PCDHGA3: variants seen among roughly 807,000 people sequenced by gnomAD.
The protein encoded by PCDHGA3 is protocadherin gamma subfamily A, 3, also known as protocadherin gamma-A3.
Under a neutral mutation model 58.5 loss-of-function variants are expected in PCDHGA3, and 40 were observed. The observed-to-expected ratio is 0.68, with a 90% CI of 0.53 to 0.89. PCDHGA3 has a LOEUF of 0.89. PCDHGA3 is among the 40% of genes least tolerant of loss of function. The pLI is 0.00. For missense variants in PCDHGA3, 1,223 were observed against 1,195.9 expected (o/e 1.02, Z -0.33); for synonymous variants, 530 against 525.7 (o/e 1.01, Z -0.11).
chr5:141,460,950 T>C (rs1458616371), intron 1 of PCDHGA3, among the ~76,000 whole-genome samples: 1 of 135,948 alleles, frequency 7.4e-6, no homozygotes, highest in East Asian at 2.0e-4. Flanking sequence ...ATATGTATTA[T>C]GTATATATAT....
At chr5:141,383,599 G>C in intron 1 of PCDHGA3, 1 of 1,613,742 alleles carries the variant, frequency 6.2e-7, no homozygotes. Context: ...GACAGTGGTG[G>C]ATGTGAATGA....
intron 1 of PCDHGA3, chr5:141,384,729 G>A: frequency 6.2e-7 from 1 of 1,614,122 alleles, no homozygotes; most frequent in Non-Finnish European, 8.5e-7. Context: ...TCCTGCTTAA[G>A]GCCAGCGAGC....
Position 141,485,713 on chromosome 5 carries a change from G to T in PCDHGA3, c.2425-9094G>T. On this transcript the variant is annotated intron_variant, in intron 1 of 3. Transcript: ENST00000253812. The surrounding 1 kb of genome is among the most constrained non-coding windows in gnomAD (Gnocchi z 5.7). ...TGAGCTCCAATGAACACTTTGCACT[G>T]GATGTGAAGAAGCGCAGCGACGGCA... 1 of 1,614,202 alleles carries T rather than the reference G, an allele frequency of 6.2e-7. No individual in the cohort carries two copies. The highest frequency in any genetic ancestry group is 8.5e-7 in the Non-Finnish European group (1 of 1,180,038).
In PCDHGA3 at chr5:141,413,613, TA is replaced by T. The variant is rs2095659138; in HGVS notation, c.2424+67158del. The T allele has an allele frequency of 4.3e-6, 7 of 1,613,714 alleles. No individual in the cohort carries two copies. The East Asian group carries it at 1.6e-4, about 36-fold the overall frequency. On this transcript the variant is annotated intron_variant, in intron 1 of 3. Transcript: ENST00000253812. Reference sequence around the variant, plus strand: ...AAGCAGAAAATCTAGACGTAAAAATTAATGAAAATGTCGCTGCGGGAATGCG... The same window carrying T: ...AAGCAGAAAATCTAGACGTAAAAATTATGAAAATGTCGCTGCGGGAATGCG...
intron 1 of PCDHGA3, chr5:141,395,376 T>G (rs1589259426): frequency 1.7e-6 from 2 of 1,180,196 alleles, no homozygotes; most frequent in East Asian, 5.2e-5. Flanking sequence ...TTTGGTGGTG[T>G]TACTATAAAA....
chr5:141,393,853 T>A, intron 1 of PCDHGA3: 1 of 1,613,992 alleles, frequency 6.2e-7, no homozygotes, highest in Admixed American at 1.7e-5. Context: ...AGACCAGAAG[T>A]GATCATTACG....
At chr5:141,371,053 C>T (rs749864646) in intron 1 of PCDHGA3, 2 of 1,613,924 alleles carry the variant, frequency 1.2e-6, no homozygotes, top group Non-Finnish European at 1.7e-6. Flanking sequence ...GGGGGCGAGC[C>T]CTCCAGAAGC....
At chr5:141,423,659 A>G in intron 1 of PCDHGA3, 2 of 1,551,038 alleles carry the variant, frequency 1.3e-6, no homozygotes, top group Non-Finnish European at 1.7e-6. Flanking sequence ...ACAAGTAATC[A>G]GGTGAGATTT....
chr5:141,433,159 T>C, intron 1 of PCDHGA3: 2 of 1,613,968 alleles, frequency 1.2e-6, no homozygotes, highest in Non-Finnish European at 1.7e-6. Flanking sequence ...CGGTATTTTC[T>C]AAAGACAGTC....
intron 1 of PCDHGA3, among the ~76,000 whole-genome samples, chr5:141,458,663 G>A (rs1045303205): frequency 2.6e-5 from 4 of 151,804 alleles, no homozygotes; most frequent in Admixed American, 6.6e-5. Context: ...TCCACCTCTC[G>A]GGTTCAAGCA....
At chr5:141,454,311 T>C (rs755771201) in intron 1 of PCDHGA3, among the ~76,000 whole-genome samples, 1 of 152,216 alleles carries the variant, frequency 6.6e-6, no homozygotes, top group Non-Finnish European at 1.5e-5. Context: ...TTTCAAAGCA[T>C]TGAAACCTCC....
At position 141,477,100 on chromosome 5, in the gene PCDHGA3, C is replaced by A. The variant is rs970613825; in HGVS notation, c.2425-17707C>A. On this transcript the variant is annotated intron_variant, in intron 1 of 3. Transcript: ENST00000253812. This position sits in a 1 kb window ranked among gnomAD's most constrained non-coding sequence, Gnocchi z 4.9. ...TTTACATCCAGGCCAAAGACAAGGGCGCCAATCCCGAAGGAGCACATTGCA... is the reference window on the plus strand; with the variant it reads ...TTTACATCCAGGCCAAAGACAAGGGAGCCAATCCCGAAGGAGCACATTGCA... 1 of 1,614,216 alleles carries A rather than the reference C, an allele frequency of 6.2e-7. No homozygotes were observed. Among genetic ancestry groups the A allele is most frequent in the Non-Finnish European group, 8.5e-7 (1 of 1,180,040 alleles).
At chr5:141,372,540 C>T (rs1208837944) in intron 1 of PCDHGA3, 2 of 1,614,012 alleles carry the variant, frequency 1.2e-6, no homozygotes, top group Non-Finnish European at 1.7e-6. Flanking sequence ...CCTGCGCCTG[C>T]GATGCTCCTC....
At chr5:141,366,851 G>T in intron 1 of PCDHGA3, 2 of 1,439,646 alleles carry the variant, frequency 1.4e-6, no homozygotes, top group Non-Finnish European at 1.9e-6. Context: ...GTAAATAGTG[G>T]AACATTATTT....
chr5:141,427,912 A>T (rs1268491054), intron 1 of PCDHGA3: 2 of 1,577,806 alleles, frequency 1.3e-6, no homozygotes, highest in Admixed American at 3.3e-5. Flanking sequence ...CTCAGCGCCA[A>T]CATGAGCCGG....
At chr5:141,501,103 G>A (rs1449600108) in intron 2 of PCDHGA3, among the ~76,000 whole-genome samples, 9 of 152,078 alleles carry the variant, frequency 5.9e-5, no homozygotes, top group African/African-American at 1.4e-4. Context: ...TCTTGACCTC[G>A]TGATCCGCCT....
Position 141,432,811 on chromosome 5 carries a change from T to G in PCDHGA3, c.2425-61996T>G. Reference sequence around the variant, plus strand: ...GCAGCCTCGAGTCTCCAGCTAACTCTGAAACCTCAGACCTCACTCTGTACC... The same window carrying G: ...GCAGCCTCGAGTCTCCAGCTAACTCGGAAACCTCAGACCTCACTCTGTACC... On this transcript the variant is annotated intron_variant, in intron 1 of 3. Transcript: ENST00000253812. The surrounding 1 kb of genome is among the most constrained non-coding windows in gnomAD (Gnocchi z 6.0). 1 of 1,614,126 alleles carries G rather than the reference T, an allele frequency of 6.2e-7. No homozygotes were observed. Among genetic ancestry groups the G allele is most frequent in the Non-Finnish European group, 8.5e-7 (1 of 1,179,988 alleles).
At chr5:141,371,460 A>G (rs1428114565) in intron 1 of PCDHGA3, 1 of 1,614,004 alleles carries the variant, frequency 6.2e-7, no homozygotes, top group Admixed American at 1.7e-5. Context: ...ATCCCAACAT[A>G]TACAAGAAGA....
chr5:141,375,164 C>A (rs374150026), intron 1 of PCDHGA3: 3 of 1,613,840 alleles, frequency 1.9e-6, no homozygotes, highest in African/African-American at 1.3e-5. Flanking sequence ...TGAAAGTGCA[C>A]CTCCAGGAAC....
Sources: gnomAD v4.1 joint callset for allele counts (sites outside exome capture counted in the v4.1 genomes callset) on GRCh38, gnomAD v4.1.1 for gene constraint, Gnocchi (gnomAD v3.1) non-coding constraint, MANE v1.5 for transcripts, NCBI Gene and HGNC (gene_info 2026-07-23, HGNC 2026-07-21) for gene names.